The following BCL9 variants were observed in gnomAD, a reference collection of about 807,000 sequenced individuals.
The protein encoded by BCL9 is BCL9 transcription coactivator, also known as B-cell CLL/lymphoma 9 protein.
A neutral mutation model predicts 88.5 loss-of-function variants in BCL9; 25 were observed. That is an observed-to-expected ratio of 0.28 (90% CI 0.21 to 0.39). The LOEUF (loss-of-function observed/expected upper bound fraction) is 0.39. Ranked by LOEUF, BCL9 falls within the 10% of genes least tolerant of loss-of-function variation. The probability of loss-of-function intolerance (pLI) is 1.00; values close to 1 mark genes in which losing one functional copy is unlikely to be tolerated. For missense variants in BCL9, 1,817 were observed against 1,877.8 expected (o/e 0.97, Z 0.60); for synonymous variants, 711 against 673.3 (o/e 1.06, Z -0.87).
intron 1 of BCL9, among the ~76,000 whole-genome samples, chr1:147,583,681 G>A (rs2101554908): frequency 6.6e-6 from 1 of 152,032 alleles, no homozygotes. Context: ...GGCCAGGCAA[G>A]GTGGCTCACA....
At position 147,546,379 on chromosome 1, in the gene BCL9, C is replaced by T. The variant is rs1182404273; in HGVS notation, c.-478+4705C>T. Among the ~76,000 whole-genome samples, 5 of 150,318 alleles carry T rather than the reference C, an allele frequency of 3.3e-5. No individual in the cohort carries two copies. In the East Asian group the frequency reaches 1.0e-3, roughly 32 times the overall value. The stretch of plus-strand genomic sequence containing the variant: ...ATAATAGTTGCCTAAGTTTTGCCAT[C>T]CCCCCCCTTTTTTTAAAACACTAGA... On this transcript the variant is annotated intron_variant, in intron 1 of 9. Transcript: ENST00000234739.
At chr1:147,572,760 A>G (rs1293049655) in intron 1 of BCL9, among the ~76,000 whole-genome samples, 2 of 152,154 alleles carry the variant, frequency 1.3e-5, no homozygotes, top group African/African-American at 2.4e-5. Context: ...TTGTATTTTT[A>G]GTAGAGACGG....
At position 147,620,784 on chromosome 1, in the gene BCL9, G is replaced by A; in HGVS notation, c.2629G>A (p.Gly877Ser). Residue 877 changes from glycine to serine, a missense_variant, in exon 8 of 10, where the codon GGC becomes AGC. Coordinates refer to ENST00000234739, the MANE Select transcript of BCL9 (RefSeq NM_004326.4). ...GCACCAAGTCCAGTCACCAATGCTG[G>A]GCTCGCCCTCGGGGAACCTCAAGTC... is the stretch of plus-strand genomic sequence containing the variant. The part of the protein sequence containing the change: ...TMHQVQSPML[G>S]SPSGNLKSPQ... 2 of 1,614,078 alleles carry A rather than the reference G, an allele frequency of 1.2e-6. No homozygotes were observed. Among genetic ancestry groups the A allele is most frequent in the East Asian group, 2.2e-5 (1 of 44,882 alleles).
intron 1 of BCL9, among the ~76,000 whole-genome samples, chr1:147,549,525 A>T (rs1177607175): frequency 3.3e-5 from 5 of 152,240 alleles, no homozygotes; most frequent in Admixed American, 1.3e-4. Flanking sequence ...CTGGACAATC[A>T]GAGAATAGAA....
At chr1:147,587,107 C>T (rs1656646260) in intron 1 of BCL9, among the ~76,000 whole-genome samples, 1 of 151,942 alleles carries the variant, frequency 6.6e-6, no homozygotes, top group South Asian at 2.1e-4. Context: ...CTGCTAGACC[C>T]GGCTCATATG....
chr1:147,590,076 T>A (rs1193165195), intron 1 of BCL9, among the ~76,000 whole-genome samples: 11 of 152,194 alleles, frequency 7.2e-5, no homozygotes, highest in African/African-American at 2.7e-4. Context: ...TGTCATTTTT[T>A]ATTTTATTTT....
rs202240134 is a variant in BCL9, at chr1:147,620,942, G to A, written c.2787G>A (p.Pro929=). The A allele has an allele frequency of 3.8e-5, 62 of 1,613,940 alleles. No individual in the cohort carries two copies. Among genetic ancestry groups the A allele is most frequent in the Admixed American group, 2.7e-4 (16 of 59,986 alleles). ...VHLKSPSLPA[P]SPGWTSSPKP... ...TCAAGTCTCCATCACTTCCTGCCCC[G>A]TCACCTGGATGGACCTCTTCTCCAA... Residue 929 remains proline, a synonymous_variant, in exon 8 of 10, where the codon CCG becomes CCA. Transcript: ENST00000234739.
intron 1 of BCL9, among the ~76,000 whole-genome samples, chr1:147,588,674 TGA>T (rs1205115750): frequency 6.6e-6 from 1 of 152,180 alleles, no homozygotes. Flanking sequence ...AGAATTTACC[TGA>T]GAGTCTCTGC....
Position 147,624,176 on chromosome 1 carries a change from A to G in BCL9, c.3498A>G (p.Pro1166=). The change falls in exon 10 of 10, where the codon CCA becomes CCG. Residue 1166 remains proline, a synonymous_variant. Coordinates refer to ENST00000234739, the MANE Select transcript of BCL9 (RefSeq NM_004326.4). The surrounding 1 kb of genome is among the most constrained non-coding windows in gnomAD (Gnocchi z 4.4). ...NGPSGGQGSF[P]GGMGFPGEGP... is the part of the protein sequence containing the mutation. ...CCAGTGGGGGGCAGGGCAGCTTCCC[A>G]GGAGGGATGGGTTTCCCAGGAGAAG... 1 of 1,604,306 alleles carries G rather than the reference A, an allele frequency of 6.2e-7. No homozygotes were observed. The highest frequency in any genetic ancestry group is 8.5e-7 in the Non-Finnish European group (1 of 1,174,268).
At chr1:147,567,756 G>A (rs1320432033) in intron 1 of BCL9, among the ~76,000 whole-genome samples, 1 of 152,142 alleles carries the variant, frequency 6.6e-6, no homozygotes, top group East Asian at 1.9e-4. Context: ...AACCGTTCTT[G>A]TCTTAGGAGC....
intron 1 of BCL9, among the ~76,000 whole-genome samples, chr1:147,544,548 T>G (rs932562068): frequency 2.0e-5 from 3 of 152,230 alleles, no homozygotes; most frequent in Admixed American, 6.5e-5. Context: ...TAATTCATGT[T>G]GACCGTGGTT....
At position 147,619,137 on chromosome 1, in the gene BCL9, C is replaced by A; in HGVS notation, c.982C>A (p.Pro328Thr). 1 of 1,613,548 alleles carries A rather than the reference C, an allele frequency of 6.2e-7. No individual in the cohort carries two copies. Among genetic ancestry groups the A allele is most frequent in the Non-Finnish European group, 8.5e-7 (1 of 1,179,682 alleles). The change falls in exon 8 of 10, where the codon CCC becomes ACC. Residue 328 changes from proline to threonine, a missense_variant. Transcript: ENST00000234739. This position sits in a 1 kb window ranked among gnomAD's most constrained non-coding sequence, Gnocchi z 4.1. ...SQGSNSSSAD[P>T]KAPPPPPVSS... ...GGGGAGCAATAGCTCTTCAGCAGAT[C>A]CCAAAGCCCCTCCGCCTCCACCAGT...
Position 147,622,484 on chromosome 1 carries a change from C to T in BCL9, c.3116C>T (p.Ser1039Phe). The T allele has an allele frequency of 6.2e-7, 1 of 1,614,158 alleles. No individual in the cohort carries two copies. Among genetic ancestry groups the T allele is most frequent in the Non-Finnish European group, 8.5e-7 (1 of 1,180,036 alleles). The change falls in exon 9 of 10, where the codon TCC becomes TTC. Residue 1039 changes from serine (S) to phenylalanine (F), a missense_variant. Transcript: ENST00000234739. The part of the protein sequence containing the change: ...IKTVASSDDD[S>F]PPARSPNLPS... ...ACTGTGGCCAGCTCAGATGACGACT[C>T]CCCTCCAGCTCGTTCTCCCAACTTG...
At position 147,565,984 on chromosome 1, in the gene BCL9, C is replaced by T. The variant is rs138814070; in HGVS notation, c.-478+24310C>T. On this transcript the variant is annotated intron_variant, in intron 1 of 9. Coordinates refer to ENST00000234739, the MANE Select transcript of BCL9 (RefSeq NM_004326.4). ...TCCCATCTTCTTGTTGCTAGAACCCCAAACTACTGTTTCTTACAATTATTT... is the reference window on the plus strand; with the variant it reads ...TCCCATCTTCTTGTTGCTAGAACCCTAAACTACTGTTTCTTACAATTATTT... 7.1e-3 allele frequency among the ~76,000 whole-genome samples: 1,083 copies of T among 152,272 alleles called. 9 individuals are homozygous for T. Among genetic ancestry groups the T allele is most frequent in the Non-Finnish European group, 0.01 (703 of 68,026 alleles).
At chr1:147,552,794 C>A (rs181487907) in intron 1 of BCL9, among the ~76,000 whole-genome samples, 1 of 152,288 alleles carries the variant, frequency 6.6e-6, no homozygotes, top group East Asian at 1.9e-4. Flanking sequence ...CTGTTCTACG[C>A]TTTCTAGGTT....
intron 8 of BCL9, among the ~76,000 whole-genome samples, chr1:147,621,485 G>A (rs1460573117): frequency 2.6e-5 from 4 of 152,184 alleles, no homozygotes; most frequent in Non-Finnish European, 5.9e-5. Context: ...TGTGGTTCTT[G>A]TAAATACCTG....
At chr1:147,562,580 G>A (rs1655428162) in intron 1 of BCL9, among the ~76,000 whole-genome samples, 1 of 152,162 alleles carries the variant, frequency 6.6e-6, no homozygotes, top group Non-Finnish European at 1.5e-5. Flanking sequence ...ACTTGAATTA[G>A]AAAGCTGGCA....
In BCL9 at chr1:147,625,493, T is replaced by C; in HGVS notation, c.*534T>C. ...ATCTTCAGACCTTTGGACTATTTTC[T>C]TTCAACTGCAGTGTATAGAAAAACC... is the stretch of plus-strand genomic sequence containing the variant. On this transcript the variant is annotated 3_prime_UTR_variant, in exon 10 of 10. Coordinates refer to ENST00000234739, the MANE Select transcript of BCL9 (RefSeq NM_004326.4). 4.6e-6 allele frequency: 1 copy of C among 218,378 alleles called. No individual in the cohort carries two copies. The highest frequency in any genetic ancestry group is 9.0e-6 in the Non-Finnish European group (1 of 110,792). 13.5% of individuals were successfully genotyped at this position (218,378 alleles called of 1,614,324 possible).
At chr1:147,552,550 G>A (rs1179990438) in intron 1 of BCL9, among the ~76,000 whole-genome samples, 2 of 152,198 alleles carry the variant, frequency 1.3e-5, no homozygotes, top group African/African-American at 4.8e-5. Flanking sequence ...AGGTTGCAGT[G>A]AGCTGAGATC....
Sources: allele counts gnomAD v4.1 joint callset (sites outside exome capture counted in the v4.1 genomes callset), GRCh38; gene constraint gnomAD v4.1.1; non-coding constraint Gnocchi (gnomAD v3.1); transcripts MANE v1.5; gene names NCBI Gene and HGNC (gene_info 2026-07-23, HGNC 2026-07-21).